The following CEACAM16 variants were observed in gnomAD, a reference collection of about 807,000 sequenced individuals.
The protein encoded by CEACAM16 is CEA cell adhesion molecule 16, tectorial membrane component.
A neutral mutation model predicts 39.4 loss-of-function variants in CEACAM16; 30 were observed. The observed-to-expected ratio is 0.76, with a 90% CI of 0.57 to 1.03. The LOEUF is 1.03. CEACAM16 is among the 50% of genes least tolerant of loss of function. The pLI is 0.00. For missense variants in CEACAM16, 521 were observed against 585.3 expected, an observed-to-expected ratio of 0.89 and a Z score of 1.13; for synonymous variants, 262 against 264.9, an observed-to-expected ratio of 0.99 and a Z score of 0.11.
chr19:44,705,378 A>G (rs1312613749), intron 4 of CEACAM16, among the ~76,000 whole-genome samples: 3 of 152,146 alleles, frequency 2.0e-5, no homozygotes, highest in Non-Finnish European at 4.4e-5. Flanking sequence ...TGCCCAACAC[A>G]TTCTTTTTAC....
chr19:44,705,548 C>A, intron 4 of CEACAM16, 42 bp from the exon 5 acceptor site: 1 of 1,548,470 alleles, frequency 6.5e-7, no homozygotes. Context: ...TCCACTCCTC[C>A]TTCCCTCTAC....
chr19:44,709,908 T>G (rs574264809), intron 6 of CEACAM16, among the ~76,000 whole-genome samples: 3 of 152,306 alleles, frequency 2.0e-5, no homozygotes, highest in Admixed American at 2.0e-4. Context: ...GTCTCCTCCA[T>G]CAGACTGGGA....
intron 1 of CEACAM16, 121 bp downstream of exon 1, chr19:44,699,381 G>T (rs756296424): frequency 3.9e-5 from 19 of 491,972 alleles, no homozygotes; most frequent in Non-Finnish European, 7.6e-5. Flanking sequence ...TCCATAAATT[G>T]CCCAGGGTCC....
chr19:44,710,129 A>C (rs1349055681), intron 6 of CEACAM16, among the ~76,000 whole-genome samples: 1 of 152,104 alleles, frequency 6.6e-6, no homozygotes, highest in African/African-American at 2.4e-5. Context: ...CTCCCCTATC[A>C]CTGGAAATTT....
At position 44,704,069 on chromosome 19, in the gene CEACAM16, G is replaced by A. The variant is rs768295221; in HGVS notation, c.434G>A (p.Arg145His). Residue 145 changes from arginine to histidine, a missense_variant, in exon 4 of 7, where the codon CGT becomes CAT. Coordinates refer to ENST00000587331, the MANE Select transcript of CEACAM16 (RefSeq NM_001039213.4). ...GCCAACAGCACAGCGCTGGTGGAAC[G>A]TCGAGACACCCTGCGCCTTATGTGC... ...VLANSTALVE[R>H]RDTLRLMCSS... is the part of the protein sequence containing the mutation. 9 of 1,610,610 alleles carry A rather than the reference G, an allele frequency of 5.6e-6. No individual in the cohort carries two copies. The highest frequency in any genetic ancestry group is 2.0e-4 in the Middle Eastern group (1 of 4,926).
intron 1 of CEACAM16, among the ~76,000 whole-genome samples, chr19:44,700,939 G>T (rs1258312515): frequency 2.0e-5 from 3 of 152,160 alleles, no homozygotes; most frequent in African/African-American, 4.8e-5. Flanking sequence ...TGCAAAGGGG[G>T]GTCCTAAAGG....
intron 6 of CEACAM16, among the ~76,000 whole-genome samples, 179 bp from the exon 7 acceptor site, chr19:44,710,317 C>T (rs981673671): frequency 1.3e-5 from 2 of 152,212 alleles, no homozygotes; most frequent in Admixed American, 6.5e-5. Flanking sequence ...CTCCCTCCCT[C>T]GCACAAGGAC....
Position 44,704,076 on chromosome 19 carries a change from C to T in CEACAM16, c.441C>T (p.Asp147=). Residue 147 remains aspartate, a synonymous_variant, in exon 4 of 7, where the codon GAC becomes GAT. Coordinates refer to ENST00000587331, the MANE Select transcript of CEACAM16 (RefSeq NM_001039213.4). ...ANSTALVERR[D]TLRLMCSSPS... is the part of the protein sequence containing the mutation. The stretch of plus-strand genomic sequence containing the variant: ...GCACAGCGCTGGTGGAACGTCGAGA[C>T]ACCCTGCGCCTTATGTGCAGCAGCC... The T allele has an allele frequency of 1.2e-6, 2 of 1,610,236 alleles. No homozygotes were observed. Among genetic ancestry groups the T allele is most frequent in the South Asian group, 1.1e-5 (1 of 90,454 alleles).
Position 44,701,460 on chromosome 19 carries a change from G to A in CEACAM16, c.4G>A (p.Ala2Thr), listed in dbSNP as rs779853143. M[A>T]LTGYSWLLLS... ...AAGACTCGGTTTGGGGTGAAAGATG[G>A]CGCTGACTGGGTACAGCTGGCTGCT... is the stretch of plus-strand genomic sequence containing the variant. The change falls in exon 2 of 7, where the codon GCG becomes ACG. Residue 2 changes from alanine to threonine, a missense_variant. Coordinates refer to ENST00000587331, the MANE Select transcript of CEACAM16 (RefSeq NM_001039213.4). This position sits in a 1 kb window ranked among gnomAD's most constrained non-coding sequence, Gnocchi z 4.0. 1.3e-6 allele frequency: 2 copies of A among 1,564,940 alleles called. No homozygotes were observed. The highest frequency in any genetic ancestry group is 2.4e-5 in the South Asian group (2 of 84,906).
At chr19:44,710,382 G>C in intron 6 of CEACAM16, 114 bp from the exon 7 acceptor site, 1 of 1,172,212 alleles carries the variant, frequency 8.5e-7, no homozygotes, top group Non-Finnish European at 1.2e-6. Flanking sequence ...GGGTGGATTG[G>C]GCCACTGGGT....
At chr19:44,703,928 C>T (rs1007523407) in intron 3 of CEACAM16, 90 bp from the exon 4 acceptor site, 31 of 1,405,336 alleles carry the variant, frequency 2.2e-5, no homozygotes, top group Non-Finnish European at 2.8e-5. Context: ...GGCCCAGCCA[C>T]AATCCGGCCA....
At position 44,703,420 on chromosome 19, in the gene CEACAM16, G is replaced by T. The variant is rs368522084; in HGVS notation, c.109G>T (p.Val37Phe). ...EPAQPSEGDN[V>F]TLVVHGLSGE... The stretch of plus-strand genomic sequence containing the variant: ...TGCCCAGCCGAGCGAAGGGGACAAC[G>T]TCACGCTGGTCGTCCATGGGCTTTC... Residue 37 changes from valine (V) to phenylalanine (F), a missense_variant, in exon 3 of 7, where the codon GTC (valine) becomes TTC (phenylalanine). Coordinates refer to ENST00000587331, the MANE Select transcript of CEACAM16 (RefSeq NM_001039213.4). 6.2e-7 allele frequency: 1 copy of T among 1,613,828 alleles called. No individual in the cohort carries two copies. Among genetic ancestry groups the T allele is most frequent in the South Asian group, 1.1e-5 (1 of 91,078 alleles).
At position 44,710,408 on chromosome 19, in the gene CEACAM16, G is replaced by A. The variant is rs77791595; in HGVS notation, c.1268-88G>A. Reference sequence around the variant, plus strand: ...GCCACTGGGTGGCCCGGGGTGGGCAGGGGAGCAGAAGGGGTGGGGGCACTG... The same window carrying A: ...GCCACTGGGTGGCCCGGGGTGGGCAAGGGAGCAGAAGGGGTGGGGGCACTG... On this transcript the variant is annotated intron_variant, in intron 6 of 6. Coordinates refer to ENST00000587331, the MANE Select transcript of CEACAM16 (RefSeq NM_001039213.4). 3.0e-5 allele frequency: 45 copies of A among 1,478,460 alleles called. 1 individual carries two copies. The East Asian group carries it at 1.1e-3, about 35-fold the overall frequency. 91.6% of individuals were successfully genotyped at this position (1,478,460 alleles called of 1,614,324 possible).
chr19:44,709,411 G>A (rs1261972275), intron 6 of CEACAM16, among the ~76,000 whole-genome samples: 20 of 148,654 alleles, frequency 1.3e-4, no homozygotes, highest in Middle Eastern at 3.6e-3. Flanking sequence ...CCATCAGACC[G>A]GGAGCTCCCA....
intron 5 of CEACAM16, 110 bp from the exon 6 acceptor site, chr19:44,707,751 A>T: frequency 1.1e-6 from 1 of 922,424 alleles, no homozygotes; most frequent in South Asian, 2.0e-5. Flanking sequence ...CCTTCCCAGC[A>T]CCCTACATGG....
At position 44,704,231 on chromosome 19, in the gene CEACAM16, A is replaced by C. The variant is rs1299702382; in HGVS notation, c.596A>C (p.Tyr199Ser). 6.5e-7 allele frequency: 1 copy of C among 1,547,842 alleles called. No individual in the cohort carries two copies. The highest frequency in any genetic ancestry group is 1.2e-5 in the South Asian group (1 of 83,968). Residue 199 changes from tyrosine (Y) to serine (S), a missense_variant, in exon 4 of 7, where the codon TAT becomes TCT. Coordinates refer to ENST00000587331, the MANE Select transcript of CEACAM16 (RefSeq NM_001039213.4). Reference sequence around the variant, plus strand: ...ATCCGCCGGGAGGAGGCCGGCGCCTATCAGTGTGAGGTGTGGAACCCGGTC... The same window carrying C: ...ATCCGCCGGGAGGAGGCCGGCGCCTCTCAGTGTGAGGTGTGGAACCCGGTC... ...HGIRREEAGA[Y>S]QCEVWNPVSV... is the part of the protein sequence containing the mutation.
Position 44,703,533 on chromosome 19 carries a change from T to C in CEACAM16, c.222T>C (p.Asp74=), listed in dbSNP as rs770164079. ...LVASYIVSTG[D]ETPGPAHTGR... The stretch of plus-strand genomic sequence containing the variant: ...CCAGCTACATCGTGAGCACAGGCGA[T>C]GAGACTCCTGGCCCGGCCCACACGG... The change falls in exon 3 of 7, where the codon GAT becomes GAC. Residue 74 remains aspartate (D), a synonymous_variant. Transcript: ENST00000587331. 5.6e-6 allele frequency: 9 copies of C among 1,613,514 alleles called. No individual in the cohort carries two copies. Among genetic ancestry groups the C allele is most frequent in the Non-Finnish European group, 7.6e-6 (9 of 1,179,820 alleles).
At chr19:44,706,589 G>GGTC (rs1974454015) in intron 5 of CEACAM16, among the ~76,000 whole-genome samples, 1 of 152,070 alleles carries the variant, frequency 6.6e-6, no homozygotes. Flanking sequence ...TAACAGGCTG[G>GGTC]GTCTCATCCA....
At chr19:44,707,796 G>T in intron 5 of CEACAM16, 65 bp from the exon 6 acceptor site, 1 of 1,390,714 alleles carries the variant, frequency 7.2e-7, no homozygotes, top group Non-Finnish European at 9.6e-7. Flanking sequence ...GCCAGCAAGG[G>T]TTGGGAAGGG....
Sources: gnomAD v4.1 joint callset for allele counts (sites outside exome capture counted in the v4.1 genomes callset) on GRCh38, gnomAD v4.1.1 for gene constraint, Gnocchi (gnomAD v3.1) non-coding constraint, MANE v1.5 for transcripts, NCBI Gene and HGNC (gene_info 2026-07-23, HGNC 2026-07-21) for gene names.